The following CPVL variants were observed in gnomAD, a reference collection of about 807,000 sequenced individuals.
The protein encoded by CPVL is probable serine carboxypeptidase CPVL.
Under a neutral mutation model 63.7 loss-of-function variants are expected in CPVL, and 51 were observed. The observed-to-expected ratio is 0.80, with a 90% CI of 0.64 to 1.01. CPVL has a LOEUF of 1.01. Among genes scored for constraint, CPVL ranks in the 50% least tolerant of loss-of-function variants. The pLI, the probability that CPVL is intolerant of heterozygous loss-of-function variation, is 0.00. For synonymous variants in CPVL, 195 were observed against 206.0 expected (o/e 0.95, Z 0.46); for missense variants, 530 against 573.1 (o/e 0.92, Z 0.77).
chr7:29,093,820 G>T (rs915683134), intron 5 of CPVL, among the ~76,000 whole-genome samples: 2 of 152,186 alleles, frequency 1.3e-5, no homozygotes, highest in Admixed American at 6.5e-5. Flanking sequence ...CAAGGTGGGG[G>T]AAAGAGCATG....
intron 7 of CPVL, among the ~76,000 whole-genome samples, chr7:29,084,535 A>C (rs531253864): frequency 6.1e-4 from 93 of 152,298 alleles, no homozygotes; most frequent in Non-Finnish European, 1.1e-3. Context: ...CTACCTCTCT[A>C]GAATGTAGGG....
chr7:29,106,414 G>T (rs1410085281), intron 3 of CPVL, among the ~76,000 whole-genome samples: 1 of 152,112 alleles, frequency 6.6e-6, no homozygotes, highest in Non-Finnish European at 1.5e-5. Context: ...GAGTCTTGGT[G>T]GTCTGGGTGC....
rs140157490 is a variant in CPVL, at chr7:29,163,798, T to C, written c.-11+17492A>G. Among the ~76,000 whole-genome samples, 266 of 152,360 alleles carry C rather than the reference T, an allele frequency of 1.7e-3. 1 individual carries two copies. The highest frequency in any genetic ancestry group is 6.1e-3 in the African/African-American group (255 of 41,586). ...AAATAAATACAATTATATTAATTGG[T>C]ATCTTTCACTTTGTGTAGTTACTTT... is the stretch of plus-strand genomic sequence containing the variant. On this transcript the variant is annotated intron_variant, in intron 5 of 16. Coordinates refer to the CPVL transcript ENST00000409850.
At chr7:29,184,014 T>C (rs146715807) in intron 4 of CPVL, among the ~76,000 whole-genome samples, 79 of 152,172 alleles carry the variant, frequency 5.2e-4, no homozygotes, top group African/African-American at 1.9e-3. Flanking sequence ...AGGCTATGCA[T>C]AGGTTATCTG....
At chr7:29,175,291 C>T (rs1797155365) in intron 5 of CPVL, among the ~76,000 whole-genome samples, 1 of 151,998 alleles carries the variant, frequency 6.6e-6, no homozygotes, top group African/African-American at 2.4e-5. Flanking sequence ...TCTCCTGCCT[C>T]AGCCCCCTCA....
At chr7:29,176,665 CAAGAAAGAA>C (rs1797389308) in intron 5 of CPVL, among the ~76,000 whole-genome samples, 1 of 152,078 alleles carries the variant, frequency 6.6e-6, no homozygotes, top group Admixed American at 6.6e-5. Context: ...ATCTAATATA[CAAGAAAGAA>C]TTTTGAGCCA....
chr7:28,999,355 C>T (rs1262706016), intron 12 of CPVL, among the ~76,000 whole-genome samples: 3 of 152,238 alleles, frequency 2.0e-5, no homozygotes, highest in Non-Finnish European at 4.4e-5. Flanking sequence ...ATTTGCATAT[C>T]TAACAATTCC....
chr7:29,043,637 T>A (rs1789337747), intron 11 of CPVL, among the ~76,000 whole-genome samples: 1 of 152,116 alleles, frequency 6.6e-6, no homozygotes, highest in Admixed American at 6.5e-5. Flanking sequence ...AGTTTCTGCT[T>A]TTGTGCTGCT....
intron 11 of CPVL, among the ~76,000 whole-genome samples, chr7:29,032,671 T>C (rs1481662994): frequency 6.6e-6 from 1 of 152,204 alleles, no homozygotes; most frequent in Non-Finnish European, 1.5e-5. Flanking sequence ...CTTCTAGAAT[T>C]CAGTGTAAAA....
intron 1 of CPVL, among the ~76,000 whole-genome samples, chr7:29,127,102 G>A (rs1282094354): frequency 2.0e-5 from 3 of 152,196 alleles, no homozygotes; most frequent in Non-Finnish European, 4.4e-5. Flanking sequence ...AACTAGAGGT[G>A]TGTGGCAGGG....
intron 1 of CPVL, among the ~76,000 whole-genome samples, chr7:29,123,602 A>G (rs1382214681): frequency 7.3e-5 from 4 of 54,994 alleles, no homozygotes; most frequent in African/African-American, 2.2e-4. Flanking sequence ...GTTCAGAAAA[A>G]AAAAAAAAAA....
chr7:29,096,529 C>T, intron 3 of CPVL: 1 of 412,640 alleles, frequency 2.4e-6, no homozygotes, highest in South Asian at 4.9e-5. Context: ...TAGCATACTG[C>T]CTGGGGCATG....
intron 10 of CPVL, 21 bp downstream of exon 10, chr7:29,066,002 T>C (rs750841407): frequency 2.1e-6 from 3 of 1,416,908 alleles, no homozygotes; most frequent in Non-Finnish European, 2.9e-6. Flanking sequence ...AACATTATTA[T>C]GGTTTTTAAA....
At chr7:29,189,189 G>T (rs12666393) in intron 1 of CPVL, among the ~76,000 whole-genome samples, 15,203 of 152,026 alleles carry the variant, frequency 0.1, 905 homozygotes, top group Non-Finnish European at 0.13. Context: ...GACCTCAAAT[G>T]ATCTGCCCAA....
chr7:29,133,955 A>G (rs768056137), intron 1 of CPVL, among the ~76,000 whole-genome samples: 2 of 152,242 alleles, frequency 1.3e-5, no homozygotes, highest in Admixed American at 6.5e-5. Flanking sequence ...GCAAGAGTCT[A>G]TAACAGCATT....
chr7:29,051,935 AATATATATATGAAT>A (rs1790208976), intron 11 of CPVL, among the ~76,000 whole-genome samples: 1 of 91,930 alleles, frequency 1.1e-5, no homozygotes. Context: ...ATATATTCCA[AATATATATATGAAT>A]ATATATATAT....
At chr7:29,186,991 A>G (rs775991661) in intron 1 of CPVL, among the ~76,000 whole-genome samples, 2 of 152,246 alleles carry the variant, frequency 1.3e-5, no homozygotes, top group African/African-American at 4.8e-5. Context: ...AAATGAGGAT[A>G]ACAATTCTCA....
intron 11 of CPVL, among the ~76,000 whole-genome samples, chr7:29,048,109 G>A (rs566420335): frequency 1.3e-5 from 2 of 152,030 alleles, no homozygotes; most frequent in South Asian, 2.1e-4. Flanking sequence ...TAAATCACAC[G>A]GGACCTATAA....
chr7:29,011,255 G>T (rs972562511), intron 12 of CPVL: 2 of 152,192 alleles, frequency 1.3e-5, no homozygotes, highest in African/African-American at 4.8e-5. Context: ...GCAGCCTGTG[G>T]ACTACCTTCT....
Sources: gnomAD v4.1 joint callset for allele counts (sites outside exome capture counted in the v4.1 genomes callset) on GRCh38, gnomAD v4.1.1 for gene constraint, MANE v1.5 for transcripts, NCBI Gene and HGNC (gene_info 2026-07-23, HGNC 2026-07-21) for gene names.